The following ADGRA2 variants were observed in gnomAD, a reference collection of about 807,000 sequenced individuals.
ADGRA2 encodes the protein adhesion G protein-coupled receptor A2.
ADGRA2 carries 61 observed loss-of-function variants against 98.7 expected under a neutral mutation model. That is an observed-to-expected ratio of 0.62 (90% CI 0.50 to 0.76). ADGRA2 has a LOEUF of 0.76. Ranked by LOEUF, ADGRA2 falls within the 30% of genes least tolerant of loss-of-function variation. The pLI, the probability that ADGRA2 is intolerant of heterozygous loss-of-function variation, is 0.00. For synonymous variants in ADGRA2, 858 were observed against 831.5 expected (o/e 1.03, Z -0.55); for missense variants, 1,712 against 1,860.0 (o/e 0.92, Z 1.46).
chr8:37,802,923 TATTTGGCCGGAGTTACTCCTGC>T lies in ADGRA2; in HGVS notation c.266+5392_266+5413del, dbSNP rs887125340. ...AGTGGGTCCAAGATCCCAAATGTGT[TATTTGGCCGGAGTTACTCCTGC>T]ATGTGCATGAACCCAACCACTCCTG... On this transcript the variant is annotated intron_variant, in intron 1 of 18. Coordinates refer to ENST00000412232, the MANE Select transcript of ADGRA2 (RefSeq NM_032777.10). This position sits in a 1 kb window ranked among gnomAD's most constrained non-coding sequence, Gnocchi z 4.7. 9.9e-5 allele frequency among the ~76,000 whole-genome samples: 15 copies of T among 152,112 alleles called. No individual in the cohort carries two copies. Among genetic ancestry groups the T allele is most frequent in the Non-Finnish European group, 1.9e-4 (13 of 68,010 alleles).
At chr8:37,815,932 G>A (rs749002734) in intron 2 of ADGRA2, among the ~76,000 whole-genome samples, 11 of 152,112 alleles carry the variant, frequency 7.2e-5, no homozygotes, top group Admixed American at 6.5e-5. Flanking sequence ...CCCCCATCCC[G>A]TCTCCCATCT....
rs1804371514 is a variant in ADGRA2, at chr8:37,797,607, G to A, written c.266+73G>A. 3.3e-6 allele frequency: 4 copies of A among 1,203,530 alleles called. No individual in the cohort carries two copies. The highest frequency in any genetic ancestry group is 4.3e-6 in the Non-Finnish European group (4 of 935,576). 74.6% of individuals were successfully genotyped at this position (1,203,530 alleles called of 1,614,324 possible). ...AAGGGAGGCGAGACGGGAGGGGTGG[G>A]AGCAGGGGGAAGGGGGCTATCCCCC... On this transcript the variant is annotated intron_variant, in intron 1 of 18. Transcript: ENST00000412232. This position sits in a 1 kb window ranked among gnomAD's most constrained non-coding sequence, Gnocchi z 5.3.
intron 2 of ADGRA2, 45 bp downstream of exon 2, chr8:37,815,012 T>C (rs752095620): frequency 7.6e-7 from 1 of 1,319,286 alleles, no homozygotes; most frequent in Non-Finnish European, 1.1e-6. Context: ...GTGGCCGTGA[T>C]GGCAAGAGGT....
At chr8:37,807,203 G>A (rs1214389694) in intron 1 of ADGRA2, among the ~76,000 whole-genome samples, 1 of 152,220 alleles carries the variant, frequency 6.6e-6, no homozygotes, top group African/African-American at 2.4e-5. Context: ...GCAGGGAAGT[G>A]CAGGAGCGGG....
chr8:37,806,848 G>C (rs181806029), intron 1 of ADGRA2, among the ~76,000 whole-genome samples: 1 of 152,024 alleles, frequency 6.6e-6, no homozygotes, highest in Non-Finnish European at 1.5e-5. Context: ...ATTTTCTTAG[G>C]CTTCTGTCTC....
chr8:37,829,826 C>T (rs749468463), intron 5 of ADGRA2, 25 bp from the exon 6 acceptor site: 9 of 1,599,462 alleles, frequency 5.6e-6, no homozygotes, highest in East Asian at 4.5e-5. Context: ...TGCTCTGCTC[C>T]GTGACCCCTC....
At chr8:37,807,698 C>T (rs982803387) in intron 1 of ADGRA2, among the ~76,000 whole-genome samples, 8 of 152,108 alleles carry the variant, frequency 5.3e-5, no homozygotes, top group African/African-American at 7.2e-5. Flanking sequence ...CCCTAAGACA[C>T]GGCCAAGCTG....
Position 37,844,364 on chromosome 8 carries a change from GC to G in ADGRA2, c.*2013del. ...GACCCAGGGTCCAACTAATGGCAGA[GC>G]CCCTCTTGGTTCCTTCAAACAAGAA... On this transcript the variant is annotated 3_prime_UTR_variant, in exon 19 of 19. Transcript: ENST00000412232. The G allele has an allele frequency of 3.1e-6, 4 of 1,277,014 alleles. No individual in the cohort carries two copies. Among genetic ancestry groups the G allele is most frequent in the Non-Finnish European group, 4.4e-6 (4 of 915,888 alleles). 79.1% of individuals were successfully genotyped at this position (1,277,014 alleles called of 1,614,324 possible).
At position 37,802,796 on chromosome 8, in the gene ADGRA2, C is replaced by G. The variant is rs187186633; in HGVS notation, c.266+5262C>G. ...GTCAGGGTCCCATCCTAGGGAGAGC[C>G]CTGGGCAGAGCTCAGAGCTCTCTGG... On this transcript the variant is annotated intron_variant, in intron 1 of 18. Transcript: ENST00000412232. The surrounding 1 kb of genome is among the most constrained non-coding windows in gnomAD (Gnocchi z 4.7). Among the ~76,000 whole-genome samples, 87 of 152,232 alleles carry G rather than the reference C, an allele frequency of 5.7e-4. No homozygotes were observed. Among genetic ancestry groups the G allele is most frequent in the African/African-American group, 2.0e-3 (82 of 41,536 alleles).
In ADGRA2 at chr8:37,835,622, TC is replaced by T. The variant is rs2130035385; in HGVS notation, c.1907del (p.Pro636ArgfsTer56). 6.2e-7 allele frequency: 1 copy of T among 1,613,314 alleles called. No homozygotes were observed. Among genetic ancestry groups the T allele is most frequent in the Non-Finnish European group, 8.5e-7 (1 of 1,179,556 alleles). On this transcript the variant is annotated frameshift_variant, in exon 13 of 19. Transcript: ENST00000412232. LOFTEE classifies it high-confidence loss of function. ...TCTCATCCCTTCCGGCTGCCCTGGC[TC>T]CCCCGGTGCCCCCAGACTGCACCCT... is the stretch of plus-strand genomic sequence containing the variant. Reference protein sequence around the residue: ...LFSSLPAALAPPVPPDCTLQL... With the variant: ...LFSSLPAALAXPVPPDCTLQL...
intron 15 of ADGRA2, 101 bp downstream of exon 15, chr8:37,839,184 C>A (rs571426441): frequency 1.3e-6 from 2 of 1,494,842 alleles, no homozygotes; most frequent in South Asian, 1.1e-5. Context: ...CTTTCAATTC[C>A]AGCTTTGCAA....
intron 2 of ADGRA2, among the ~76,000 whole-genome samples, chr8:37,817,289 G>T (rs376001977): frequency 6.6e-6 from 1 of 152,160 alleles, no homozygotes; most frequent in African/African-American, 2.4e-5. Flanking sequence ...GTAGCAGGGC[G>T]ACCCGGGATG....
intron 13 of ADGRA2, among the ~76,000 whole-genome samples, chr8:37,837,033 C>T (rs1184334964): frequency 6.6e-6 from 1 of 152,178 alleles, no homozygotes; most frequent in East Asian, 1.9e-4. Flanking sequence ...GTGGACAAGT[C>T]GTTGTAAGTG....
Position 37,833,681 on chromosome 8 carries a change from T to A in ADGRA2, c.1297-7T>A. The A allele has an allele frequency of 6.2e-7, 1 of 1,613,620 alleles. No homozygotes were observed. Among genetic ancestry groups the A allele is most frequent in the Non-Finnish European group, 8.5e-7 (1 of 1,179,636 alleles). On this transcript the variant is annotated splice_polypyrimidine_tract_variant and splice_region_variant and intron_variant, in intron 9 of 18. Transcript: ENST00000412232. ...GAGATGATCCTCTCTCTTCCCCCAA[T>A]CCCCAGATGCCCATCAATGCCTCCA...
intron 2 of ADGRA2, among the ~76,000 whole-genome samples, chr8:37,819,118 G>A: frequency 6.6e-6 from 1 of 152,140 alleles, no homozygotes; most frequent in East Asian, 1.9e-4. Context: ...AGGGTAGATG[G>A]GGTGATTTGG....
At chr8:37,821,033 G>A (rs1805112064) in intron 2 of ADGRA2, among the ~76,000 whole-genome samples, 2 of 152,130 alleles carry the variant, frequency 1.3e-5, no homozygotes, top group Non-Finnish European at 2.9e-5. Context: ...CCCAGGGAGT[G>A]TACAGAAGAC....
chr8:37,829,908 G>C lies in ADGRA2; in HGVS notation c.612G>C (p.Trp204Cys). The C allele has an allele frequency of 6.2e-7, 1 of 1,612,804 alleles. No individual in the cohort carries two copies. Among genetic ancestry groups the C allele is most frequent in the Non-Finnish European group, 8.5e-7 (1 of 1,179,906 alleles). Residue 204 changes from tryptophan (W) to cysteine (C), a missense_variant, in exon 6 of 19, where the codon TGG (tryptophan) becomes TGC (cysteine). Transcript: ENST00000412232. ...CDCHLRWLLPWAQNRSLQLSE... is the reference protein window; with the variant it reads ...CDCHLRWLLPCAQNRSLQLSE... The stretch of plus-strand genomic sequence containing the variant: ...GCCACCTGCGCTGGCTGCTGCCCTG[G>C]GCCCAGAATCGCTCCCTGCAGCTGT...
At chr8:37,836,538 C>T (rs1397109008) in intron 13 of ADGRA2, among the ~76,000 whole-genome samples, 3 of 152,132 alleles carry the variant, frequency 2.0e-5, no homozygotes, top group African/African-American at 7.2e-5. Flanking sequence ...CCCCTTTTGT[C>T]GTTCCATCTC....
intron 2 of ADGRA2, among the ~76,000 whole-genome samples, chr8:37,824,339 T>C (rs1296923230): frequency 6.6e-6 from 1 of 152,024 alleles, no homozygotes; most frequent in Non-Finnish European, 1.5e-5. Flanking sequence ...TGCCCATTTT[T>C]TTCAACTGGA....
Sources: allele counts gnomAD v4.1 joint callset (sites outside exome capture counted in the v4.1 genomes callset), GRCh38; gene constraint gnomAD v4.1.1; non-coding constraint Gnocchi (gnomAD v3.1); transcripts MANE v1.5; gene names NCBI Gene and HGNC (gene_info 2026-07-23, HGNC 2026-07-21).